The following STK31 variants were observed in gnomAD, a reference collection of about 807,000 sequenced individuals.
STK31 encodes the protein serine/threonine-protein kinase 31.
STK31 carries 89 observed loss-of-function variants against 129.7 expected under a neutral mutation model. That is an observed-to-expected ratio of 0.69 (90% CI 0.58 to 0.82). STK31 has a LOEUF of 0.82. Among genes scored for constraint, STK31 ranks in the 40% least tolerant of loss-of-function variants. STK31 has a pLI of 0.00. For missense variants in STK31, 1,187 were observed against 1,176.4 expected, an observed-to-expected ratio of 1.01 and a Z score of -0.13; for synonymous variants, 448 against 395.3, an observed-to-expected ratio of 1.13 and a Z score of -1.58.
Position 23,729,160 on chromosome 7 carries a change from T to C in STK31, c.394T>C (p.Leu132=). Residue 132 remains leucine, a synonymous_variant, in exon 6 of 24, where the codon TTG becomes CTG. Transcript: ENST00000355870. ...TCGATCTGATATAGTTGAAATTCCT[T>C]TGGAGCTGCAGTTTTCTAGTGTTGC... ...LNRSDIVEIP[L]ELQFSSVAKK... is the part of the protein sequence containing the mutation. 4 of 1,612,136 alleles carry C rather than the reference T, an allele frequency of 2.5e-6. No individual in the cohort carries two copies. Among genetic ancestry groups the C allele is most frequent in the Non-Finnish European group, 3.4e-6 (4 of 1,179,580 alleles).
chr7:23,735,930 T>C (rs908857541), intron 7 of STK31, 34 bp downstream of exon 7: 4 of 1,486,016 alleles, frequency 2.7e-6, no homozygotes, highest in African/African-American at 1.4e-5. Flanking sequence ...TTCTAATTGA[T>C]GGTAGAGGTC....
At chr7:23,743,245 C>T (rs758947219) in intron 8 of STK31, among the ~76,000 whole-genome samples, 11 of 152,130 alleles carry the variant, frequency 7.2e-5, no homozygotes, top group South Asian at 2.1e-4. Flanking sequence ...TGAGCCACTG[C>T]GTCCAGCTGG....
At chr7:23,730,766 G>A (rs1787354285) in intron 6 of STK31, among the ~76,000 whole-genome samples, 1 of 148,616 alleles carries the variant, frequency 6.7e-6, no homozygotes, top group Admixed American at 6.8e-5. Flanking sequence ...ATTAAAAAAA[G>A]TTAATTTTAG....
At chr7:23,752,663 G>A in intron 8 of STK31, 54 bp from the exon 9 acceptor site, 1 of 1,317,104 alleles carries the variant, frequency 7.6e-7, no homozygotes, top group Admixed American at 1.8e-5. Context: ...AATTATAGCA[G>A]AAATACAGTT....
At position 23,803,803 on chromosome 7, in the gene STK31, T is replaced by G. The variant is rs139353368; in HGVS notation, c.2761-11341T>G. ...CTTTGTGTTCATGAGTTCTCAACAT[T>G]TAGTGAGAACACAGAGTATTTGGTT... On this transcript the variant is annotated intron_variant, in intron 22 of 23. Coordinates refer to ENST00000355870, the MANE Select transcript of STK31 (RefSeq NM_031414.5). 2.3e-4 allele frequency among the ~76,000 whole-genome samples: 35 copies of G among 152,314 alleles called. No individual in the cohort carries two copies. The East Asian group carries it at 6.6e-3, about 29-fold the overall frequency.
rs530789559 is a variant in STK31 at position 23,786,938 on chromosome 7, A to G, written c.2487+14A>G. ...TTAAATTCAGAAGTAAGTAAAAAGC[A>G]CTATTTATTTCCATGGATGTATTAA... On this transcript the variant is annotated intron_variant, in intron 20 of 23. Transcript: ENST00000355870. 2.6e-5 allele frequency: 42 copies of G among 1,608,034 alleles called. 1 individual carries two copies. The South Asian group carries it at 4.0e-4, about 15-fold the overall frequency.
At chr7:23,752,048 T>C (rs2128092520) in intron 8 of STK31, among the ~76,000 whole-genome samples, 1 of 152,236 alleles carries the variant, frequency 6.6e-6, no homozygotes, top group East Asian at 1.9e-4. Flanking sequence ...TGGAGATGGA[T>C]GGTGCTGATG....
chr7:23,818,735 G>A (rs1052245953), intron 23 of STK31, among the ~76,000 whole-genome samples: 6 of 151,880 alleles, frequency 4.0e-5, no homozygotes, highest in South Asian at 2.1e-4. Flanking sequence ...AGTGATTCTC[G>A]TGCCTCAGCC....
intron 10 of STK31, among the ~76,000 whole-genome samples, chr7:23,760,099 C>G (rs1246512495): frequency 6.6e-6 from 1 of 152,142 alleles, no homozygotes; most frequent in East Asian, 1.9e-4. Flanking sequence ...AGCTTAGGTA[C>G]AAGTATATTT....
chr7:23,808,471 G>T (rs993838493), intron 22 of STK31, among the ~76,000 whole-genome samples: 2 of 151,952 alleles, frequency 1.3e-5, no homozygotes, highest in South Asian at 2.1e-4. Context: ...TCCCCAGTGG[G>T]TCCTGCCAAC....
At chr7:23,738,337 C>T (rs577535584) in intron 8 of STK31, among the ~76,000 whole-genome samples, 15 of 152,142 alleles carry the variant, frequency 9.9e-5, no homozygotes, top group Non-Finnish European at 1.0e-4. Flanking sequence ...ATGTGTTTAT[C>T]AACCCAGAAG....
chr7:23,788,065 A>G lies in STK31; in HGVS notation c.2573A>G (p.Asn858Ser). The stretch of plus-strand genomic sequence containing the variant: ...ATAATTCATGGATCACTTCATCAGA[A>G]CAATGTATTTGCTTTAAACCGTGAA... The part of the protein sequence containing the change: ...ADIIHGSLHQ[N>S]NVFALNREQG... The change falls in exon 21 of 24, where the codon AAC (asparagine) becomes AGC (serine). Residue 858 changes from asparagine to serine, a missense_variant. Physicochemically the swap from Asn to Ser is conservative, Grantham distance 46 (BLOSUM62 1). This residue lies in a region of STK31 where 975 missense variants were observed against 934.9 expected (regional missense o/e 1.04). Transcript: ENST00000355870. 6.2e-7 allele frequency: 1 copy of G among 1,613,282 alleles called. No individual in the cohort carries two copies. The highest frequency in any genetic ancestry group is 8.5e-7 in the Non-Finnish European group (1 of 1,179,654).
At chr7:23,801,861 CTGTT>C (rs760400312) in intron 22 of STK31, among the ~76,000 whole-genome samples, 7 of 152,018 alleles carry the variant, frequency 4.6e-5, no homozygotes, top group Admixed American at 2.0e-4. Context: ...TTGTGTGAGT[CTGTT>C]TGTGGACTCT....
intron 8 of STK31, among the ~76,000 whole-genome samples, chr7:23,750,067 T>TTCTCCCC (rs1788611310): frequency 1.1e-5 from 1 of 90,556 alleles, no homozygotes; most frequent in Non-Finnish European, 2.3e-5. Flanking sequence ...ATGGTTTGTT[T>TTCTCCCC]CCCCCCCCGC....
intron 22 of STK31, among the ~76,000 whole-genome samples, chr7:23,806,847 C>T (rs1792740613): frequency 7.1e-6 from 1 of 140,654 alleles, no homozygotes; most frequent in Admixed American, 7.9e-5. Context: ...TTGCAGTGAG[C>T]AGAGATCACG....
At chr7:23,723,067 T>G (rs953513214) in intron 4 of STK31, 1 of 152,312 alleles carries the variant, frequency 6.6e-6, no homozygotes, top group African/African-American at 2.4e-5. Flanking sequence ...CTCCGTGGGC[T>G]GCACCCACTG....
In STK31 at chr7:23,788,140, A is replaced by G. The variant is rs757672296; in HGVS notation, c.2637+11A>G. 1.2e-6 allele frequency: 2 copies of G among 1,604,058 alleles called. No individual in the cohort carries two copies. The highest frequency in any genetic ancestry group is 2.3e-5 in the South Asian group (2 of 88,688). ...TTCACCAAATCTGTGGTAAGATATC[A>G]TGGTTTTACAAATAGGTTCTAGACT... On this transcript the variant is annotated intron_variant, in intron 21 of 23. Coordinates refer to ENST00000355870, the MANE Select transcript of STK31 (RefSeq NM_031414.5).
chr7:23,717,431 A>G, intron 3 of STK31, 50 bp from the exon 4 acceptor site: 1 of 1,333,346 alleles, frequency 7.5e-7, no homozygotes, highest in East Asian at 2.5e-5. Context: ...AGCGTGTAAC[A>G]CTGTAAAATA....
At chr7:23,771,495 T>C (rs937500123) in intron 14 of STK31, 1 of 155,846 alleles carries the variant, frequency 6.4e-6, no homozygotes, top group Non-Finnish European at 1.4e-5. Context: ...TGAGCATATA[T>C]ATATGCATTG....
Sources: allele counts gnomAD v4.1 joint callset (sites outside exome capture counted in the v4.1 genomes callset), GRCh38; gene constraint gnomAD v4.1.1; regional missense constraint gnomAD v4.1.1; transcripts MANE v1.5; gene names NCBI Gene and HGNC (gene_info 2026-07-23, HGNC 2026-07-21).